Variants in LAMA2 observed in about 807,000 individuals in gnomAD.
The protein encoded by LAMA2 is laminin subunit alpha-2.
In LAMA2, 269 loss-of-function variants were observed where a neutral mutation model predicts 364.8. The ratio of observed to expected loss-of-function variants is 0.74; its 90% CI spans 0.67 to 0.82. The LOEUF is 0.82. Ranked by LOEUF, LAMA2 falls within the 40% of genes least tolerant of loss-of-function variation. The pLI is 0.00. For synonymous variants in LAMA2, 1,379 were observed against 1,370.6 expected (o/e 1.01, Z -0.14); for missense variants, 3,807 against 3,873.2 (o/e 0.98, Z 0.45).
At chr6:129,396,201 T>A (rs1779607905) in intron 37 of LAMA2, among the ~76,000 whole-genome samples, 1 of 152,192 alleles carries the variant, frequency 6.6e-6, no homozygotes, top group Non-Finnish European at 1.5e-5. Context: ...GTACCTACCA[T>A]ATCAAGGTAC....
chr6:129,343,478 A>T (rs184357541), intron 30 of LAMA2, among the ~76,000 whole-genome samples: 1 of 152,142 alleles, frequency 6.6e-6, no homozygotes, highest in Non-Finnish European at 1.5e-5. Flanking sequence ...GGTAAGCTGG[A>T]TATTGAAGAG....
At chr6:129,461,343 C>T (rs1368554756) in intron 49 of LAMA2, among the ~76,000 whole-genome samples, 1 of 152,182 alleles carries the variant, frequency 6.6e-6, no homozygotes, top group Middle Eastern at 3.4e-3. Context: ...TGTTATCCCT[C>T]TAAAAGTCTT....
chr6:129,295,444 A>G (rs1773111053), intron 20 of LAMA2, among the ~76,000 whole-genome samples: 1 of 152,072 alleles, frequency 6.6e-6, no homozygotes, highest in African/African-American at 2.4e-5. Flanking sequence ...ATTACTGACC[A>G]TGAATGTCTG....
chr6:129,397,086 C>CA (rs967466083), intron 37 of LAMA2, among the ~76,000 whole-genome samples: 12 of 148,874 alleles, frequency 8.1e-5, no homozygotes, highest in Admixed American at 1.3e-4. Flanking sequence ...ACCAACACAC[C>CA]AAAAAAAAAG....
At chr6:128,941,013 G>A (rs892560566) in intron 1 of LAMA2, among the ~76,000 whole-genome samples, 1 of 152,150 alleles carries the variant, frequency 6.6e-6, no homozygotes, top group South Asian at 2.1e-4. Context: ...TTATGAATGA[G>A]AAGAGATGTA....
At chr6:129,348,159 G>A (rs1049825571) in intron 30 of LAMA2, among the ~76,000 whole-genome samples, 1 of 152,108 alleles carries the variant, frequency 6.6e-6, no homozygotes, top group Non-Finnish European at 1.5e-5. Context: ...TTTTTGTGAA[G>A]GCAAAAATAA....
At chr6:129,253,997 G>A (rs1408675657) in intron 14 of LAMA2, among the ~76,000 whole-genome samples, 3 of 152,206 alleles carry the variant, frequency 2.0e-5, no homozygotes, top group Admixed American at 6.5e-5. Flanking sequence ...TGAGCTGAAA[G>A]TCGGCATGAA....
chr6:129,056,427 A>G (rs893871984), intron 2 of LAMA2, among the ~76,000 whole-genome samples: 2 of 152,174 alleles, frequency 1.3e-5, no homozygotes, highest in Non-Finnish European at 2.9e-5. Context: ...TTAATGAGAC[A>G]GGAAGCCTCA....
chr6:128,904,011 C>G (rs138137214), intron 1 of LAMA2, among the ~76,000 whole-genome samples: 1 of 152,168 alleles, frequency 6.6e-6, no homozygotes, highest in Admixed American at 6.5e-5. Flanking sequence ...AGGCAACTCC[C>G]GATAAGAGTT....
intron 40 of LAMA2, among the ~76,000 whole-genome samples, chr6:129,413,363 C>G (rs1230683890): frequency 6.6e-6 from 1 of 151,944 alleles, no homozygotes; most frequent in African/African-American, 2.4e-5. Flanking sequence ...TTTACCATAT[C>G]TCTCTTAAAA....
At chr6:129,238,576 T>A (rs2127102) in intron 12 of LAMA2, among the ~76,000 whole-genome samples, 525 of 64,860 alleles carry the variant, frequency 8.1e-3, no homozygotes, top group Middle Eastern at 0.021. Flanking sequence ...TGTGTGTGTG[T>A]GAGAGAGAGA....
intron 1 of LAMA2, among the ~76,000 whole-genome samples, chr6:128,975,501 G>A (rs1048550884): frequency 6.6e-6 from 1 of 152,144 alleles, no homozygotes; most frequent in Non-Finnish European, 1.5e-5. Flanking sequence ...AAAGTGTGGG[G>A]CAAATGATGG....
intron 41 of LAMA2, chr6:129,436,782 A>G (rs933645929): frequency 2.8e-4 from 42 of 152,130 alleles, no homozygotes; most frequent in African/African-American, 9.2e-4. Flanking sequence ...GTTCTTTATG[A>G]TAATCTTGAG....
intron 12 of LAMA2, among the ~76,000 whole-genome samples, chr6:129,222,282 A>G (rs1029822153): frequency 1.3e-5 from 2 of 152,120 alleles, no homozygotes; most frequent in African/African-American, 4.8e-5. Flanking sequence ...TGGAATTAGT[A>G]GGAGTACTTA....
chr6:128,961,727 G>A (rs1024874154), intron 1 of LAMA2, among the ~76,000 whole-genome samples: 1 of 151,716 alleles, frequency 6.6e-6, no homozygotes, highest in African/African-American at 2.4e-5. Flanking sequence ...ATTTCCTTTG[G>A]CAACACCCTC....
At chr6:128,903,994 C>T (rs1187524991) in intron 1 of LAMA2, among the ~76,000 whole-genome samples, 3 of 152,170 alleles carry the variant, frequency 2.0e-5, no homozygotes, top group African/African-American at 7.2e-5. Flanking sequence ...GAGTGCCAGA[C>T]CTAAAGAGGC....
rs1255937205 is a variant in LAMA2, at chr6:129,049,806, G to A, written c.113-112G>A. 4 of 847,896 alleles carry A rather than the reference G, an allele frequency of 4.7e-6. No individual in the cohort carries two copies. In the African/African-American group the frequency reaches 6.7e-5, roughly 14 times the overall value. 52.5% of individuals were successfully genotyped at this position (847,896 alleles called of 1,614,324 possible). On this transcript the variant is annotated intron_variant, in intron 1 of 64. Transcript: ENST00000421865. The stretch of plus-strand genomic sequence containing the variant: ...AGGTATTTATCATTAATTATCTCAT[G>A]TTGGGTTACTTTAATGCTCCGAAAA...
intron 1 of LAMA2, among the ~76,000 whole-genome samples, chr6:128,933,780 G>A (rs1412707539): frequency 1.3e-5 from 2 of 151,968 alleles, no homozygotes; most frequent in Non-Finnish European, 1.5e-5. Context: ...TTTGAAATTG[G>A]CTTATTTTGT....
intron 41 of LAMA2, 77 bp from the exon 42 acceptor site, chr6:129,438,569 C>T: frequency 4.2e-6 from 3 of 716,260 alleles, no homozygotes; most frequent in Non-Finnish European, 7.6e-6. Flanking sequence ...ATTAAAATAA[C>T]CTGAAATTGC....
Sources: allele counts gnomAD v4.1 joint callset (sites outside exome capture counted in the v4.1 genomes callset), GRCh38; gene constraint gnomAD v4.1.1; transcripts MANE v1.5; gene names NCBI Gene and HGNC (gene_info 2026-07-23, HGNC 2026-07-21).